The following FMN1 variants were observed in gnomAD, a reference collection of about 807,000 sequenced individuals.
FMN1 encodes the protein formin 1.
In FMN1, 110 loss-of-function variants were observed where a neutral mutation model predicts 132.4. The ratio of observed to expected loss-of-function variants is 0.83; its 90% confidence interval spans 0.71 to 0.97. FMN1 has a LOEUF of 0.97. Ranked by LOEUF, FMN1 falls within the 50% of genes least tolerant of loss-of-function variation. The probability of loss-of-function intolerance (pLI) is 0.00; values close to 1 mark genes in which losing one functional copy is unlikely to be tolerated. For missense variants in FMN1, 1,792 were observed against 1,705.3 expected (o/e 1.05, Z -0.90); for synonymous variants, 722 against 651.7 (o/e 1.11, Z -1.64).
chr15:33,004,086 A>AT (rs1370677995), intron 7 of FMN1, among the ~76,000 whole-genome samples: 3 of 152,176 alleles, frequency 2.0e-5, no homozygotes, highest in Non-Finnish European at 4.4e-5. Context: ...AAAACCATAA[A>AT]AACCCTAGAA....
chr15:32,841,629 T>C (rs1258911404), intron 17 of FMN1, among the ~76,000 whole-genome samples: 2 of 152,156 alleles, frequency 1.3e-5, no homozygotes, highest in Non-Finnish European at 2.9e-5. Context: ...TCTTGTGTGT[T>C]TCAGTAGGCA....
intron 4 of FMN1, among the ~76,000 whole-genome samples, chr15:33,128,055 CAG>C (rs1472150279): frequency 1.3e-5 from 2 of 151,782 alleles, no homozygotes; most frequent in South Asian, 2.1e-4. Context: ...GGTCAGGTGA[CAG>C]AAAGGACAAA....
chr15:32,960,671 G>C (rs1304915334), intron 9 of FMN1, among the ~76,000 whole-genome samples: 1 of 151,982 alleles, frequency 6.6e-6, no homozygotes, highest in Admixed American at 6.5e-5. Context: ...CTTGAGAAAT[G>C]AACTGATGAT....
chr15:33,186,535 T>C (rs946832487), intron 2 of FMN1, among the ~76,000 whole-genome samples: 1 of 152,204 alleles, frequency 6.6e-6, no homozygotes, highest in African/African-American at 2.4e-5. Context: ...GGATCACAAA[T>C]ACAGTTCTTG....
chr15:33,081,416 C>T (rs2038453560), intron 5 of FMN1, among the ~76,000 whole-genome samples: 1 of 152,072 alleles, frequency 6.6e-6, no homozygotes, highest in African/African-American at 2.4e-5. Flanking sequence ...TCCATCACCT[C>T]AATCACCATT....
At chr15:32,790,045 C>CAT (rs10689229) in intron 19 of FMN1, among the ~76,000 whole-genome samples, 149,645 of 152,284 alleles carry the variant, frequency 0.98, 73,576 homozygotes, top group Middle Eastern at 1. Context: ...TTAAGTGACA[C>CAT]GATTCTACGT....
intron 7 of FMN1, among the ~76,000 whole-genome samples, chr15:32,980,565 CCAT>C (rs1341400734): frequency 3.3e-5 from 5 of 152,086 alleles, no homozygotes; most frequent in African/African-American, 1.2e-4. Flanking sequence ...CATTTATATA[CCAT>C]CAGCAGATCT....
intron 20 of FMN1, 87 bp from the exon 21 acceptor site, chr15:32,774,441 G>A: frequency 9.2e-7 from 1 of 1,086,872 alleles, no homozygotes; most frequent in Admixed American, 2.2e-5. Context: ...CTAGAATGCT[G>A]AGTTTCCGGA....
intron 4 of FMN1, chr15:33,150,174 A>G: frequency 3.0e-6 from 3 of 985,454 alleles, no homozygotes; most frequent in Non-Finnish European, 3.6e-6. Context: ...TCTGGCACTA[A>G]AAGGGTTTAC....
chr15:32,928,595 G>A (rs1185898650), intron 9 of FMN1, among the ~76,000 whole-genome samples: 1 of 152,148 alleles, frequency 6.6e-6, no homozygotes, highest in African/African-American at 2.4e-5. Context: ...GCAAATAAAA[G>A]CATCACCTAA....
At chr15:33,017,038 G>T (rs188800566) in intron 6 of FMN1, among the ~76,000 whole-genome samples, 5 of 151,994 alleles carry the variant, frequency 3.3e-5, no homozygotes, top group African/African-American at 1.2e-4. Context: ...ATGCATCTGC[G>T]GTCATCAATA....
chr15:33,088,870 G>C lies in FMN1; in HGVS notation c.1972C>G (p.Pro658Ala). Residue 658 changes from proline to alanine, a missense_variant, in exon 5 of 21, where the codon CCA (proline) becomes GCA (alanine). By Grantham distance (27) the Pro-to-Ala change is conservative. This residue lies in a region of FMN1 where 1,150 missense variants were observed against 1,043.1 expected (regional missense o/e 1.10). Transcript: ENST00000616417. The stretch of plus-strand genomic sequence containing the variant: ...TCATGAAGCAAAAATGGACAGGCTG[G>C]TCCCGCTCTGTAGCCCAGAACCCAC... The part of the protein sequence containing the change: ...GAWVLGYRAG[P>A]ACPFLLHEER... The C allele has an allele frequency of 1.3e-6, 2 of 1,535,868 alleles. No individual in the cohort carries two copies. Among genetic ancestry groups the C allele is most frequent in the Non-Finnish European group, 1.7e-6 (2 of 1,146,810 alleles).
intron 6 of FMN1, among the ~76,000 whole-genome samples, chr15:33,028,528 AAAATAAAAATAAAT>A (rs2035786750): frequency 6.6e-6 from 1 of 151,694 alleles, no homozygotes; most frequent in Non-Finnish European, 1.5e-5. Flanking sequence ...AATAAAAATA[AAAATAAAAATAAAT>A]AAATAAATAA....
intron 4 of FMN1, among the ~76,000 whole-genome samples, chr15:33,107,744 C>T (rs1207056115): frequency 6.6e-6 from 1 of 152,078 alleles, no homozygotes; most frequent in Admixed American, 6.6e-5. Context: ...TCGTACTTAT[C>T]ATTACCTGAA....
At chr15:33,172,846 G>T (rs1965380591) in intron 3 of FMN1, among the ~76,000 whole-genome samples, 1 of 152,142 alleles carries the variant, frequency 6.6e-6, no homozygotes, top group Non-Finnish European at 1.5e-5. Context: ...AAAAAGAAAA[G>T]AGAAAGCACA....
chr15:33,114,257 G>A (rs1351259695), intron 4 of FMN1, among the ~76,000 whole-genome samples: 5 of 152,202 alleles, frequency 3.3e-5, no homozygotes, highest in African/African-American at 1.2e-4. Context: ...ACAAGTCCTT[G>A]CTTGTCCAAG....
At chr15:33,157,612 G>GT (rs950007241) in intron 3 of FMN1, among the ~76,000 whole-genome samples, 11 of 151,948 alleles carry the variant, frequency 7.2e-5, no homozygotes, top group East Asian at 3.9e-4. Context: ...GAATAGAGGA[G>GT]TTTTTTTTGT....
chr15:32,911,481 A>C (rs2060561162), intron 10 of FMN1, among the ~76,000 whole-genome samples: 1 of 152,164 alleles, frequency 6.6e-6, no homozygotes, highest in African/African-American at 2.4e-5. Context: ...TCAACTATTT[A>C]TTCTGTTCAT....
At chr15:33,050,396 T>TC (rs1283302389) in intron 6 of FMN1, among the ~76,000 whole-genome samples, 2 of 152,068 alleles carry the variant, frequency 1.3e-5, no homozygotes, top group African/African-American at 2.4e-5. Context: ...TAAAAGGATT[T>TC]TTTTTTTAAT....
Sources: gnomAD v4.1 joint callset for allele counts (sites outside exome capture counted in the v4.1 genomes callset) on GRCh38, gnomAD v4.1.1 for gene constraint, gnomAD v4.1.1 regional missense constraint, MANE v1.5 for transcripts, NCBI Gene and HGNC (gene_info 2026-07-23, HGNC 2026-07-21) for gene names.